Variants in SPATS2L observed in about 807,000 individuals in gnomAD.
SPATS2L encodes the protein spermatogenesis associated serine rich 2 like.
In SPATS2L, 30 loss-of-function variants were observed where a neutral mutation model predicts 59.6. The ratio of observed to expected loss-of-function variants is 0.50; its 90% CI spans 0.38 to 0.68. SPATS2L has a LOEUF of 0.68. Among genes scored for constraint, SPATS2L ranks in the 30% least tolerant of loss-of-function variants. SPATS2L has a pLI of 0.00. For missense variants in SPATS2L, 615 were observed against 700.0 expected, an observed-to-expected ratio of 0.88 and a Z score of 1.37; for synonymous variants, 252 against 263.5, an observed-to-expected ratio of 0.96 and a Z score of 0.42.
chr2:200,371,930 G>A (rs1189396778), intron 2 of SPATS2L, among the ~76,000 whole-genome samples: 3 of 152,184 alleles, frequency 2.0e-5, no homozygotes, highest in Non-Finnish European at 4.4e-5. Flanking sequence ...AAGTCATACC[G>A]TGTTTTCTAA....
At chr2:200,456,810 G>A (rs2085863870) in intron 8 of SPATS2L, among the ~76,000 whole-genome samples, 1 of 151,992 alleles carries the variant, frequency 6.6e-6, no homozygotes, top group South Asian at 2.1e-4. Context: ...GTGTGTGCTG[G>A]GCATGCTCTC....
At position 200,478,166 on chromosome 2, in the gene SPATS2L, T is replaced by C. The variant is rs1647594447; in HGVS notation, c.*135T>C. ...TGTGTCATCCTCTCTTAATCATTTT[T>C]ACTAATTCTAATAATCAGCTCTAGC... On this transcript the variant is annotated 3_prime_UTR_variant, in exon 13 of 13. Transcript: ENST00000409140. 6.0e-6 allele frequency: 5 copies of C among 834,066 alleles called. No individual in the cohort carries two copies. In the South Asian group the frequency reaches 1.3e-4, roughly 21 times the overall value. The allele number at this position is 834,066 out of a possible 1,614,324, so 51.7% of individuals were successfully genotyped here. A position where few individuals can be genotyped will look rare whatever the true frequency, so the allele number is the denominator to read the frequency against.
intron 3 of SPATS2L, among the ~76,000 whole-genome samples, chr2:200,404,702 A>T (rs1032987093): frequency 1.3e-5 from 2 of 152,182 alleles, no homozygotes; most frequent in African/African-American, 4.8e-5. Flanking sequence ...AACAACACAC[A>T]TTGATTATCT....
intron 8 of SPATS2L, among the ~76,000 whole-genome samples, chr2:200,449,155 C>T (rs1418953743): frequency 6.6e-6 from 1 of 152,236 alleles, no homozygotes; most frequent in African/African-American, 2.4e-5. Flanking sequence ...GTGAAAGCTT[C>T]TCTTTTCCTA....
chr2:200,473,258 T>TG (rs2087217574), intron 12 of SPATS2L, among the ~76,000 whole-genome samples: 1 of 152,118 alleles, frequency 6.6e-6, no homozygotes, highest in South Asian at 2.1e-4. Flanking sequence ...GCCTGCCAGG[T>TG]GCTTTCCCAT....
At position 200,308,474 on chromosome 2, in the gene SPATS2L, A is replaced by G. The variant is rs752466615; in HGVS notation, c.-73+1552A>G. Among the ~76,000 whole-genome samples, 22 of 152,198 alleles carry G rather than the reference A, an allele frequency of 1.4e-4. 1 individual carries two copies. Among genetic ancestry groups the G allele is most frequent in the Admixed American group, 1.0e-3 (16 of 15,282 alleles). On this transcript the variant is annotated intron_variant, in intron 1 of 12. Transcript: ENST00000409140. The stretch of plus-strand genomic sequence containing the variant: ...TTTGGGAATGGGTTTCTATTTGGAC[A>G]AGGCAAATACTGCAGTTTCTAATTA...
intron 2 of SPATS2L, among the ~76,000 whole-genome samples, chr2:200,356,695 G>T (rs566740102): frequency 6.6e-6 from 1 of 152,146 alleles, no homozygotes; most frequent in Admixed American, 6.5e-5. Context: ...GACTAATAAC[G>T]CTTTAGGGAT....
chr2:200,335,738 A>C (rs1294723945), intron 2 of SPATS2L, among the ~76,000 whole-genome samples: 1 of 152,222 alleles, frequency 6.6e-6, no homozygotes, highest in Non-Finnish European at 1.5e-5. Flanking sequence ...CCCAGGGAGC[A>C]CTTGAGAAGA....
intron 2 of SPATS2L, among the ~76,000 whole-genome samples, chr2:200,373,984 A>G (rs1483154579): frequency 6.6e-6 from 1 of 152,160 alleles, no homozygotes; most frequent in East Asian, 1.9e-4. Flanking sequence ...CTAAAAGAAA[A>G]ATGAAACAAG....
In SPATS2L at chr2:200,433,479, T is replaced by C. The variant is rs567549879; in HGVS notation, c.446-5643T>C. ...GGTGTCTGAACACAGTAGAATTGAATTAACAATAGCAATAAGATAACTAGA... is the reference window on the plus strand; with the variant it reads ...GGTGTCTGAACACAGTAGAATTGAACTAACAATAGCAATAAGATAACTAGA... On this transcript the variant is annotated intron_variant, in intron 6 of 12. Transcript: ENST00000409140. Among the ~76,000 whole-genome samples, 51 of 152,192 alleles carry C rather than the reference T, an allele frequency of 3.4e-4. 1 individual carries two copies. Among genetic ancestry groups the C allele is most frequent in the African/African-American group, 1.2e-3 (51 of 41,560 alleles).
At chr2:200,340,943 A>T (rs993003876) in intron 2 of SPATS2L, among the ~76,000 whole-genome samples, 6 of 152,140 alleles carry the variant, frequency 3.9e-5, no homozygotes, top group African/African-American at 1.4e-4. Flanking sequence ...TTCTCTGCTG[A>T]TAAAATTATG....
chr2:200,472,759 C>A, intron 11 of SPATS2L, 73 bp from the exon 12 acceptor site: 1 of 1,304,808 alleles, frequency 7.7e-7, no homozygotes, highest in Non-Finnish European at 1.1e-6. Flanking sequence ...CATCTTCTAG[C>A]GCTTCCTAAT....
Position 200,306,881 on chromosome 2 carries a change from C to T in SPATS2L, c.-114C>T. 5 of 980,670 alleles carry T rather than the reference C, an allele frequency of 5.1e-6. No homozygotes were observed. Among genetic ancestry groups the T allele is most frequent in the Non-Finnish European group, 6.0e-6 (5 of 828,086 alleles). 60.7% of individuals were successfully genotyped at this position (980,670 alleles called of 1,614,324 possible). On this transcript the variant is annotated 5_prime_UTR_variant, in exon 1 of 13. Coordinates refer to ENST00000409140, the MANE Select transcript of SPATS2L (RefSeq NM_001100423.2). ...CCCTGGCGACCGCGCCCCCGGGCCCCGGCTCCGGCCCGGGACGGAGGAGCC... is the reference window on the plus strand; with the variant it reads ...CCCTGGCGACCGCGCCCCCGGGCCCTGGCTCCGGCCCGGGACGGAGGAGCC...
intron 1 of SPATS2L, among the ~76,000 whole-genome samples, chr2:200,314,881 T>A (rs915408885): frequency 5.3e-5 from 8 of 152,236 alleles, no homozygotes; most frequent in African/African-American, 1.9e-4. Context: ...TAATATTGGT[T>A]ACATGTTGAA....
chr2:200,471,638 C>T (rs1375150402), intron 11 of SPATS2L, among the ~76,000 whole-genome samples: 1 of 152,168 alleles, frequency 6.6e-6, no homozygotes, highest in African/African-American at 2.4e-5. Flanking sequence ...CCCTGATCTG[C>T]AGACAATAAT....
chr2:200,442,298 A>C (rs1451721226), intron 8 of SPATS2L, among the ~76,000 whole-genome samples: 1 of 152,230 alleles, frequency 6.6e-6, no homozygotes, highest in Non-Finnish European at 1.5e-5. Flanking sequence ...TTACCTTAAC[A>C]CTTAGAAGTA....
chr2:200,434,247 A>T (rs929837609), intron 6 of SPATS2L, among the ~76,000 whole-genome samples: 3 of 152,044 alleles, frequency 2.0e-5, no homozygotes, highest in African/African-American at 7.2e-5. Flanking sequence ...ACTGTCAGCA[A>T]AGAAGGAATA....
At chr2:200,419,153 CA>C (rs1238828215) in intron 5 of SPATS2L, 96 bp from the exon 6 acceptor site, 10 of 1,289,078 alleles carry the variant, frequency 7.8e-6, no homozygotes, top group African/African-American at 4.5e-5. Flanking sequence ...AGCCAGGAAC[CA>C]AAAAAGATAG....
intron 3 of SPATS2L, among the ~76,000 whole-genome samples, chr2:200,405,119 C>A (rs1293565161): frequency 2.6e-5 from 4 of 152,100 alleles, no homozygotes; most frequent in African/African-American, 9.7e-5. Flanking sequence ...ATTATTCTGC[C>A]CACCACATCC....
Sources: allele counts gnomAD v4.1 joint callset (sites outside exome capture counted in the v4.1 genomes callset), GRCh38; gene constraint gnomAD v4.1.1; transcripts MANE v1.5; gene names NCBI Gene and HGNC (gene_info 2026-07-23, HGNC 2026-07-21).